LRP1B: variants seen among roughly 807,000 people sequenced by gnomAD.
LRP1B encodes LDL receptor related protein 1B.
Under a neutral mutation model 556.6 loss-of-function variants are expected in LRP1B, and 217 were observed. The observed-to-expected ratio is 0.39, with a 90% CI of 0.35 to 0.44. The LOEUF (loss-of-function observed/expected upper bound fraction) is 0.44, where lower values mean the gene tolerates loss of function less well. Ranked by LOEUF, LRP1B falls within the 20% of genes least tolerant of loss-of-function variation. LRP1B has a pLI of 1.00. For missense variants in LRP1B, 5,053 were observed against 5,620.8 expected, an observed-to-expected ratio of 0.90 and a Z score of 3.23; for synonymous variants, 2,047 against 1,865.8, an observed-to-expected ratio of 1.10 and a Z score of -2.50.
At chr2:140,469,436 C>T (rs912347978) in intron 60 of LRP1B, among the ~76,000 whole-genome samples, 2 of 152,100 alleles carry the variant, frequency 1.3e-5, no homozygotes, top group African/African-American at 4.8e-5. Context: ...AATTATCCAG[C>T]CAATAGTATT....
intron 5 of LRP1B, among the ~76,000 whole-genome samples, chr2:141,231,754 C>T (rs1040629502): frequency 6.6e-6 from 1 of 152,074 alleles, no homozygotes; most frequent in Non-Finnish European, 1.5e-5. Context: ...ATAAACCTCT[C>T]CTCCCCCAGG....
intron 6 of LRP1B, among the ~76,000 whole-genome samples, chr2:141,228,132 G>A (rs1232895519): frequency 6.6e-6 from 1 of 152,076 alleles, no homozygotes; most frequent in East Asian, 1.9e-4. Flanking sequence ...GGCCAGGCTG[G>A]TTTTGAACCC....
chr2:141,408,462 A>T (rs770702455), intron 3 of LRP1B, among the ~76,000 whole-genome samples: 10 of 152,020 alleles, frequency 6.6e-5, no homozygotes, highest in Non-Finnish European at 1.3e-4. Context: ...TAAGGTTTTT[A>T]AGATTTCTTA....
intron 2 of LRP1B, among the ~76,000 whole-genome samples, chr2:141,781,785 TGA>T (rs1695263617): frequency 6.6e-6 from 1 of 152,152 alleles, no homozygotes; most frequent in South Asian, 2.1e-4. Flanking sequence ...AAAAATTTTC[TGA>T]GAGAGCTAGG....
intron 20 of LRP1B, among the ~76,000 whole-genome samples, chr2:140,935,836 G>T (rs1461864632): frequency 1.3e-5 from 2 of 151,966 alleles, no homozygotes; most frequent in Admixed American, 6.6e-5. Context: ...TTGGATGGCA[G>T]TGTGGGCTGA....
At chr2:140,761,576 G>A (rs1688924539) in intron 35 of LRP1B, among the ~76,000 whole-genome samples, 1 of 152,102 alleles carries the variant, frequency 6.6e-6, no homozygotes, top group African/African-American at 2.4e-5. Context: ...GAAGCTTGTG[G>A]TCATGCTGTG....
intron 63 of LRP1B, among the ~76,000 whole-genome samples, chr2:140,450,220 T>G (rs1357681187): frequency 6.6e-6 from 1 of 152,130 alleles, no homozygotes; most frequent in South Asian, 2.1e-4. Flanking sequence ...AACTTGCCCA[T>G]TTTTACTTCT....
chr2:140,539,081 T>A (rs1044744526), intron 45 of LRP1B, among the ~76,000 whole-genome samples: 1 of 152,158 alleles, frequency 6.6e-6, no homozygotes, highest in Non-Finnish European at 1.5e-5. Context: ...ATTTACTGTA[T>A]CTATTTCTTT....
intron 9 of LRP1B, among the ~76,000 whole-genome samples, chr2:141,057,450 C>T (rs1001512482): frequency 2.6e-5 from 4 of 151,772 alleles, no homozygotes; most frequent in African/African-American, 9.7e-5. Flanking sequence ...GCCCAGATAT[C>T]TCTGATATGG....
At chr2:141,920,451 A>G (rs371158485) in intron 1 of LRP1B, among the ~76,000 whole-genome samples, 1 of 152,016 alleles carries the variant, frequency 6.6e-6, no homozygotes, top group African/African-American at 2.4e-5. Context: ...GAAAGAAGAG[A>G]AAGAAAATGA....
chr2:140,397,992 T>A (rs1253503302), intron 66 of LRP1B, among the ~76,000 whole-genome samples: 1 of 152,168 alleles, frequency 6.6e-6, no homozygotes, highest in African/African-American at 2.4e-5. Context: ...ATATTCTTTC[T>A]GATTGACATC....
chr2:141,467,141 T>C (rs1172462142), intron 3 of LRP1B, among the ~76,000 whole-genome samples: 5 of 81,856 alleles, frequency 6.1e-5, no homozygotes, highest in African/African-American at 1.7e-4. Context: ...TATATATATA[T>C]ATATATATAT....
chr2:141,538,879 T>TC (rs1238981463), intron 2 of LRP1B, among the ~76,000 whole-genome samples: 1 of 152,076 alleles, frequency 6.6e-6, no homozygotes, highest in Admixed American at 6.6e-5. Flanking sequence ...CCTCAGGTGA[T>TC]CCCCCGGCAC....
In LRP1B at chr2:140,868,104, G is replaced by A. The variant is rs78597279; in HGVS notation, c.4329C>T (p.Asp1443=). The change falls in exon 26 of 91, where the codon GAC becomes GAT. Residue 1443 remains aspartate, a synonymous_variant. Transcript: ENST00000389484. ...DHFEKRIVWT[D]ARSDAIYSAL... ...AAAGAGATGATTTTTTAAACCTGGC[G>A]TCTGTCCACACTATCCTTTTCTCAA... 3.9e-3 allele frequency: 6,156 copies of A among 1,575,914 alleles called. 72 individuals are homozygous for A. The highest frequency in any genetic ancestry group is 0.033 in the African/African-American group (2,409 of 72,046).
chr2:140,766,195 G>A (rs1487826029), intron 35 of LRP1B, among the ~76,000 whole-genome samples: 1 of 113,952 alleles, frequency 8.8e-6, no homozygotes, highest in African/African-American at 3.0e-5. Flanking sequence ...GAAATATGAA[G>A]GTCATGATTT....
chr2:141,585,009 C>A (rs1172534588), intron 2 of LRP1B, among the ~76,000 whole-genome samples: 1 of 152,108 alleles, frequency 6.6e-6, no homozygotes, highest in Non-Finnish European at 1.5e-5. Context: ...CACTACTGAA[C>A]TATACACCTA....
intron 1 of LRP1B, among the ~76,000 whole-genome samples, chr2:141,994,218 C>T (rs1243479972): frequency 2.0e-5 from 3 of 152,060 alleles, no homozygotes; most frequent in African/African-American, 4.8e-5. Context: ...TGCTAAGTAC[C>T]CTCCAGGTAG....
chr2:140,853,208 C>T (rs1278943206), intron 27 of LRP1B, among the ~76,000 whole-genome samples: 1 of 152,042 alleles, frequency 6.6e-6, no homozygotes, highest in Non-Finnish European at 1.5e-5. Context: ...TGTAGAGGTG[C>T]CCTTCCTAAG....
At chr2:141,233,471 A>T (rs900441580) in intron 5 of LRP1B, among the ~76,000 whole-genome samples, 1 of 152,182 alleles carries the variant, frequency 6.6e-6, no homozygotes, top group Non-Finnish European at 1.5e-5. Context: ...TGTTGTATTC[A>T]TTAGTGTCAC....
Sources: allele counts gnomAD v4.1 joint callset (sites outside exome capture counted in the v4.1 genomes callset), GRCh38; gene constraint gnomAD v4.1.1; transcripts MANE v1.5; gene names NCBI Gene and HGNC (gene_info 2026-07-23, HGNC 2026-07-21).